Variants in SFSWAP observed in about 807,000 individuals in gnomAD.
SFSWAP encodes the protein splicing factor, suppressor of white-apricot homolog.
A neutral mutation model predicts 100.7 loss-of-function variants in SFSWAP; 17 were observed. The ratio of observed to expected loss-of-function variants is 0.17; its 90% CI spans 0.12 to 0.25. SFSWAP has a LOEUF of 0.25. Ranked by LOEUF, SFSWAP falls within the 10% of genes least tolerant of loss-of-function variation. The probability of loss-of-function intolerance (pLI) is 1.00; values close to 1 mark genes in which losing one functional copy is unlikely to be tolerated. For missense variants in SFSWAP, 1,005 were observed against 1,262.6 expected, an observed-to-expected ratio of 0.80 and a Z score of 3.09; for synonymous variants, 504 against 510.1, an observed-to-expected ratio of 0.99 and a Z score of 0.16.
At position 131,753,167 on chromosome 12, in the gene SFSWAP, G is replaced by C; in HGVS notation, c.1126G>C (p.Gly376Arg). The C allele has an allele frequency of 6.2e-7, 1 of 1,614,114 alleles. No individual in the cohort carries two copies. Among genetic ancestry groups the C allele is most frequent in the Non-Finnish European group, 8.5e-7 (1 of 1,180,018 alleles). ...TTACAGCTACTACATGCTACCGGAC[G>C]GCACTTACTGCCTGGCGCCGCCCCC... Reference protein sequence around the residue: ...MYYSYYMLPDGTYCLAPPPPG... With the variant: ...MYYSYYMLPDRTYCLAPPPPG... The change falls in exon 8 of 18, where the codon GGC (glycine) becomes CGC (arginine). Residue 376 changes from glycine to arginine, a missense_variant. By Grantham distance (125) the Gly-to-Arg change is moderately radical. Coordinates refer to ENST00000261674, the MANE Select transcript of SFSWAP (RefSeq NM_004592.4).
chr12:131,778,178 A>C lies in SFSWAP; in HGVS notation c.2256A>C (p.Glu752Asp). 2 of 1,614,102 alleles carry C rather than the reference A, an allele frequency of 1.2e-6. No individual in the cohort carries two copies. ...SSKSKDPPREEEKEKKKKKHK... is the reference protein window; with the variant it reads ...SSKSKDPPREDEKEKKKKKHK... ...AAAGCAAAGATCCACCGAGAGAAGA[A>C]GAGAAAGAAAAGAAAAAGAAAAAGC... Residue 752 changes from glutamate (E) to aspartate (D), a missense_variant, in exon 14 of 18, where the codon GAA (glutamate) becomes GAC (aspartate). Physicochemically the swap from Glu to Asp is conservative, Grantham distance 45. Coordinates refer to ENST00000261674, the MANE Select transcript of SFSWAP (RefSeq NM_004592.4). The surrounding 1 kb of genome is among the most constrained non-coding windows in gnomAD (Gnocchi z 4.2).
intron 11 of SFSWAP, chr12:131,757,637 G>C (rs942014887): frequency 1.0e-4 from 16 of 152,454 alleles, no homozygotes; most frequent in African/African-American, 3.4e-4. Context: ...AAGAGATTGA[G>C]GAAGTGGGCT....
chr12:131,745,455 A>G (rs1014873410), intron 7 of SFSWAP, among the ~76,000 whole-genome samples: 10 of 152,242 alleles, frequency 6.6e-5, no homozygotes, highest in Non-Finnish European at 1.3e-4. Flanking sequence ...ATTCACTTCT[A>G]GAGGACCTTG....
chr12:131,785,458 T>C (rs904870883), intron 14 of SFSWAP: 6 of 453,244 alleles, frequency 1.3e-5, no homozygotes, highest in Non-Finnish European at 2.0e-5. Flanking sequence ...ATCAAACCGC[T>C]CTTCTTTATA....
intron 7 of SFSWAP, among the ~76,000 whole-genome samples, chr12:131,746,917 A>G (rs1023803372): frequency 5.3e-5 from 8 of 152,142 alleles, no homozygotes; most frequent in Non-Finnish European, 1.2e-4. Context: ...ATCCTGGCTA[A>G]CACGGTGAAA....
Position 131,753,111 on chromosome 12 carries a change from G to A in SFSWAP, c.1082-12G>A, listed in dbSNP as rs1881806324. On this transcript the variant is annotated splice_polypyrimidine_tract_variant and intron_variant, in intron 7 of 17. Transcript: ENST00000261674. ...CCGGCCATGCTCACTCCGGGGCAAT[G>A]TGTCTCCACAGCGACCGTGGCAGCC... 1.9e-6 allele frequency: 3 copies of A among 1,613,996 alleles called. No homozygotes were observed. Among genetic ancestry groups the A allele is most frequent in the Non-Finnish European group, 2.5e-6 (3 of 1,179,922 alleles).
At chr12:131,775,700 T>C (rs1034308832) in intron 13 of SFSWAP, among the ~76,000 whole-genome samples, 1 of 152,214 alleles carries the variant, frequency 6.6e-6, no homozygotes, top group African/African-American at 2.4e-5. Context: ...TTAGCATTGC[T>C]TGTGGGCAAA....
At chr12:131,739,514 G>A (rs550403736) in intron 7 of SFSWAP, among the ~76,000 whole-genome samples, 21 of 123,820 alleles carry the variant, frequency 1.7e-4, no homozygotes, top group Non-Finnish European at 2.9e-4. Context: ...AATAGTATTT[G>A]CATTCTATTA....
chr12:131,755,519 G>A lies in SFSWAP; in HGVS notation c.1548+40G>A, dbSNP rs747384618. The A allele has an allele frequency of 4.9e-6, 7 of 1,441,968 alleles. No individual in the cohort carries two copies. The Middle Eastern group carries it at 5.3e-4, about 109-fold the overall frequency. 89.3% of individuals were successfully genotyped at this position (1,441,968 alleles called of 1,614,324 possible). On this transcript the variant is annotated intron_variant, in intron 10 of 17. Coordinates refer to ENST00000261674, the MANE Select transcript of SFSWAP (RefSeq NM_004592.4). ...GCAGGGAGGCTGTGAAGCTCTTAGA[G>A]GTGGCTCCGCCTTCCAGATCAGAAG...
chr12:131,733,451 C>T lies in SFSWAP; in HGVS notation c.1081+5023C>T, dbSNP rs1244723871. Reference sequence around the variant, plus strand: ...CACGATCATAAAGCACGGCATGCATCCTGAGAGCCAGGCAGCGACGCTGCC... The same window carrying T: ...CACGATCATAAAGCACGGCATGCATTCTGAGAGCCAGGCAGCGACGCTGCC... On this transcript the variant is annotated intron_variant, in intron 7 of 17. Transcript: ENST00000261674. The surrounding 1 kb of genome is among the most constrained non-coding windows in gnomAD (Gnocchi z 5.1). Among the ~76,000 whole-genome samples the T allele has an allele frequency of 6.6e-6, 1 of 152,136 alleles. No homozygotes were observed. Among genetic ancestry groups the T allele is most frequent in the Non-Finnish European group, 1.5e-5 (1 of 68,016 alleles).
In SFSWAP at chr12:131,728,375, A is replaced by G. The variant is rs772509588; in HGVS notation, c.1028A>G (p.His343Arg). Residue 343 changes from histidine to arginine, a missense_variant, in exon 7 of 18, where the codon CAC (histidine) becomes CGC (arginine). His to Arg is a conservative substitution (Grantham distance 29, BLOSUM62 0). Coordinates refer to ENST00000261674, the MANE Select transcript of SFSWAP (RefSeq NM_004592.4). ...GCTGACAGTTCCACTCCCACCCCAC[A>G]CAACGCAGACGGTGCGCCTGTGCAG... is the stretch of plus-strand genomic sequence containing the variant. ...AQADSSTPTP[H>R]NADGAPVQPS... is the part of the protein sequence containing the mutation. 1.2e-6 allele frequency: 2 copies of G among 1,614,076 alleles called. No individual in the cohort carries two copies. Among genetic ancestry groups the G allele is most frequent in the East Asian group, 2.2e-5 (1 of 44,894 alleles).
At chr12:131,785,330 GCCCT>G in intron 14 of SFSWAP, 8 of 1,122,704 alleles carry the variant, frequency 7.1e-6, no homozygotes, top group African/African-American at 1.5e-5. Context: ...GCCACTCCTG[GCCCT>G]CCAGGATGCC....
intron 7 of SFSWAP, among the ~76,000 whole-genome samples, chr12:131,740,052 TAAAA>T (rs902676421): frequency 5.9e-5 from 9 of 152,184 alleles, no homozygotes; most frequent in African/African-American, 2.2e-4. Context: ...TGTCTGGGTA[TAAAA>T]CTCTTGGGTA....
At chr12:131,747,123 C>T (rs973984347) in intron 7 of SFSWAP, among the ~76,000 whole-genome samples, 1 of 101,398 alleles carries the variant, frequency 9.9e-6, no homozygotes, top group Non-Finnish European at 2.2e-5. Flanking sequence ...AAAAAAAGCT[C>T]ATGCCATGCT....
intron 12 of SFSWAP, among the ~76,000 whole-genome samples, chr12:131,765,848 G>A (rs1883075067): frequency 6.6e-6 from 1 of 151,982 alleles, no homozygotes; most frequent in Admixed American, 6.6e-5. Context: ...TGAATATTTT[G>A]GATATATGCT....
At chr12:131,720,301 C>T (rs1183363324) in intron 4 of SFSWAP, among the ~76,000 whole-genome samples, 1 of 152,198 alleles carries the variant, frequency 6.6e-6, no homozygotes, top group Non-Finnish European at 1.5e-5. Flanking sequence ...TACTATCCCT[C>T]TTGTGCCAGT....
At chr12:131,785,302 TC>T in intron 14 of SFSWAP, 1 of 1,409,068 alleles carries the variant, frequency 7.1e-7, no homozygotes, top group African/African-American at 1.4e-5. Context: ...TCAAAACGAT[TC>T]TGTCCGTTAA....
chr12:131,798,406 G>A (rs61943867), intron 16 of SFSWAP, among the ~76,000 whole-genome samples: 11,717 of 152,230 alleles, frequency 0.077, 507 homozygotes, highest in Middle Eastern at 0.13. Context: ...TGCACAGGCC[G>A]AGGGCACCTA....
chr12:131,786,741 G>T (rs1018629711), intron 15 of SFSWAP, 153 bp downstream of exon 15: 3 of 782,244 alleles, frequency 3.8e-6, no homozygotes, highest in Non-Finnish European at 6.0e-6. Context: ...CAGTGGCATG[G>T]CCATCACTGT....
Sources: allele counts gnomAD v4.1 joint callset (sites outside exome capture counted in the v4.1 genomes callset), GRCh38; gene constraint gnomAD v4.1.1; non-coding constraint Gnocchi (gnomAD v3.1); transcripts MANE v1.5; gene names NCBI Gene and HGNC (gene_info 2026-07-23, HGNC 2026-07-21).